Variants in HSD17B4 observed in about 807,000 individuals in gnomAD.
HSD17B4 encodes peroxisomal multifunctional enzyme type 2.
Under a neutral mutation model 101.0 loss-of-function variants are expected in HSD17B4, and 70 were observed. The observed-to-expected ratio is 0.69, with a 90% CI of 0.57 to 0.85. The LOEUF (loss-of-function observed/expected upper bound fraction) is 0.85, where lower values mean the gene tolerates loss of function less well. HSD17B4 is among the 40% of genes least tolerant of loss of function. The pLI, the probability that HSD17B4 is intolerant of heterozygous loss-of-function variation, is 0.00. For synonymous variants in HSD17B4, 347 were observed against 297.1 expected (o/e 1.17, Z -1.73); for missense variants, 984 against 892.4 (o/e 1.10, Z -1.31).
chr5:119,453,563 T>C (rs1754296012), intron 1 of HSD17B4, among the ~76,000 whole-genome samples: 2 of 152,226 alleles, frequency 1.3e-5, no homozygotes. Context: ...TCTCCACTGG[T>C]AGTACCTTAT....
intron 8 of HSD17B4, among the ~76,000 whole-genome samples, chr5:119,488,971 G>T (rs1358641999): frequency 1.3e-5 from 2 of 152,082 alleles, no homozygotes; most frequent in African/African-American, 4.8e-5. Flanking sequence ...TCTTGGAAAG[G>T]TGTGTCTGAT....
chr5:119,468,556 C>G (rs1580531281), intron 2 of HSD17B4, among the ~76,000 whole-genome samples: 1 of 151,888 alleles, frequency 6.6e-6, no homozygotes, highest in Middle Eastern at 3.4e-3. Flanking sequence ...CTCTTTTTGT[C>G]TTTGACTTCT....
intron 2 of HSD17B4, 112 bp from the exon 3 acceptor site, chr5:119,473,796 C>T (rs1252977861): frequency 1.4e-6 from 1 of 735,832 alleles, no homozygotes; most frequent in East Asian, 2.6e-5. Flanking sequence ...AGGAACTGGG[C>T]AGATGACTGA....
In HSD17B4 at chr5:119,496,599, T is replaced by C. The variant is rs763640733; in HGVS notation, c.925T>C (p.Ser309Pro). ...LSKIDSEGGV[S>P]ANHTSRATST... ...TAAAATAGATTCAGAAGGAGGAGTT[T>C]CAGCAAATCATACTAGTCGTGCAAC... The change falls in exon 12 of 24, where the codon TCA becomes CCA. Residue 309 changes from serine to proline, a missense_variant. Transcript: ENST00000510025. 6.2e-6 allele frequency: 10 copies of C among 1,607,626 alleles called. No homozygotes were observed. In the Admixed American group the frequency reaches 8.3e-5, roughly 13 times the overall value.
chr5:119,467,775 G>C (rs564419054), intron 2 of HSD17B4, among the ~76,000 whole-genome samples: 13 of 152,292 alleles, frequency 8.5e-5, no homozygotes, highest in African/African-American at 3.1e-4. Flanking sequence ...TTCAGGACTT[G>C]AGTAGGCACA....
intron 4 of HSD17B4, 144 bp from the exon 5 acceptor site, chr5:119,475,562 C>T (rs1165673764): frequency 1.5e-6 from 1 of 665,240 alleles, no homozygotes; most frequent in East Asian, 2.7e-5. Flanking sequence ...TAGGTATAGA[C>T]TTTTGTTTTG....
intron 2 of HSD17B4, among the ~76,000 whole-genome samples, chr5:119,460,314 A>G (rs1755098205): frequency 6.6e-6 from 1 of 152,246 alleles, no homozygotes; most frequent in Non-Finnish European, 1.5e-5. Flanking sequence ...CTTAGTAATC[A>G]AGAATATATA....
chr5:119,538,290 TC>T (rs1754698958), intron 23 of HSD17B4, among the ~76,000 whole-genome samples: 1 of 152,152 alleles, frequency 6.6e-6, no homozygotes. Context: ...CTGATCTTTC[TC>T]CAAAATATAT....
At chr5:119,459,767 A>G (rs2126626788) in intron 2 of HSD17B4, among the ~76,000 whole-genome samples, 1 of 152,106 alleles carries the variant, frequency 6.6e-6, no homozygotes, top group Non-Finnish European at 1.5e-5. Flanking sequence ...TCCCATGATA[A>G]CCTGTTAATT....
At chr5:119,483,675 G>C (rs1296507712) in intron 8 of HSD17B4, among the ~76,000 whole-genome samples, 3 of 152,112 alleles carry the variant, frequency 2.0e-5, no homozygotes, top group Non-Finnish European at 2.9e-5. Flanking sequence ...AGAAAGTTAA[G>C]AACTGTTTGT....
Position 119,526,118 on chromosome 5 carries a change from T to A in HSD17B4, c.1680+95T>A, listed in dbSNP as rs140865769. On this transcript the variant is annotated intron_variant, in intron 19 of 23. Coordinates refer to ENST00000510025, the MANE Select transcript of HSD17B4 (RefSeq NM_000414.4). The stretch of plus-strand genomic sequence containing the variant: ...TAGTGATTTAATTGAAAATAGATAT[T>A]GTACTACAGCAATGTACATTTTTAT... The A allele has an allele frequency of 1.1e-3, 829 of 778,950 alleles. 5 individuals are homozygous for A. The African/African-American group carries it at 0.013, about 12-fold the overall frequency. The allele number at this position is 778,950 out of a possible 1,614,324, so 48.3% of individuals were successfully genotyped here. A position where few individuals can be genotyped will look rare whatever the true frequency, so the allele number is the denominator to read the frequency against.
rs1356799124 is a variant in HSD17B4 at position 119,465,932 on chromosome 5, C to G, written c.113-7976C>G. Among the ~76,000 whole-genome samples the G allele has an allele frequency of 4.6e-5, 7 of 152,180 alleles. No individual in the cohort carries two copies. In the East Asian group the frequency reaches 9.6e-4, roughly 21 times the overall value. On this transcript the variant is annotated intron_variant, in intron 2 of 23. Transcript: ENST00000510025. Reference sequence around the variant, plus strand: ...TTAGAGGAGAAGCTTTCAGCTGTTCCCTGTTGAGTGTGATGTTAGCTGCAG... The same window carrying G: ...TTAGAGGAGAAGCTTTCAGCTGTTCGCTGTTGAGTGTGATGTTAGCTGCAG...
intron 16 of HSD17B4, among the ~76,000 whole-genome samples, chr5:119,513,682 G>A (rs75926133): frequency 0.032 from 4,858 of 152,220 alleles, 126 homozygotes; most frequent in South Asian, 0.05. Flanking sequence ...ATGAATTACT[G>A]TAGACCAGAA....
At chr5:119,514,894 A>G in intron 16 of HSD17B4, 87 bp from the exon 17 acceptor site, 3 of 817,340 alleles carry the variant, frequency 3.7e-6, no homozygotes. Flanking sequence ...TTGTATTGAA[A>G]CATGATTGTG....
intron 2 of HSD17B4, among the ~76,000 whole-genome samples, chr5:119,461,652 C>T (rs58354605): frequency 0.11 from 15,907 of 148,096 alleles, 1,105 homozygotes; most frequent in African/African-American, 0.2. Context: ...GAGGCTGAGG[C>T]AGGAGGATTG....
chr5:119,452,733 G>C, intron 1 of HSD17B4, 100 bp downstream of exon 1: 2 of 1,601,630 alleles, frequency 1.2e-6, no homozygotes, highest in Non-Finnish European at 8.5e-7. Context: ...AGGTCACCCC[G>C]CTGAGGTGGT....
At chr5:119,470,619 C>T (rs767551315) in intron 2 of HSD17B4, among the ~76,000 whole-genome samples, 36 of 152,162 alleles carry the variant, frequency 2.4e-4, no homozygotes, top group Non-Finnish European at 4.0e-4. Context: ...AAGCTGATTC[C>T]ATCTGGATGC....
At position 119,497,077 on chromosome 5, in the gene HSD17B4, C is replaced by G. The variant is rs187432564; in HGVS notation, c.972+431C>G. 3.5e-4 allele frequency among the ~76,000 whole-genome samples: 54 copies of G among 152,226 alleles called. 1 individual carries two copies. The highest frequency in any genetic ancestry group is 1.2e-3 in the African/African-American group (50 of 41,546). On this transcript the variant is annotated intron_variant, in intron 12 of 23. Transcript: ENST00000510025. ...AGTTTCCAAGGTTTTGCCTAGTAGC[C>G]GAGTGGGGCTTGGAGAATGGAGGTA...
chr5:119,519,061 C>T (rs1250284520), intron 17 of HSD17B4, among the ~76,000 whole-genome samples: 1 of 152,174 alleles, frequency 6.6e-6, no homozygotes. Flanking sequence ...TCACTTGAGC[C>T]TGGTAAATCG....
Sources: gnomAD v4.1 joint callset for allele counts (sites outside exome capture counted in the v4.1 genomes callset) on GRCh38, gnomAD v4.1.1 for gene constraint, MANE v1.5 for transcripts, NCBI Gene and HGNC (gene_info 2026-07-23, HGNC 2026-07-21) for gene names.